Variants in RAB27A observed in about 807,000 individuals in gnomAD.
RAB27A encodes ras-related protein Rab-27A.
RAB27A carries 17 observed loss-of-function variants against 20.8 expected under a neutral mutation model. That is an observed-to-expected ratio of 0.82 (90% confidence interval 0.56 to 1.23). The LOEUF is 1.23. Among genes scored for constraint, RAB27A ranks in the 50% most tolerant of loss-of-function variants. RAB27A has a pLI of 0.00. For missense variants in RAB27A, 277 were observed against 266.7 expected, an observed-to-expected ratio of 1.04 and a Z score of -0.27; for synonymous variants, 85 against 92.8, an observed-to-expected ratio of 0.92 and a Z score of 0.48.
chr15:55,255,491 G>A (rs754280210), intron 2 of RAB27A, among the ~76,000 whole-genome samples: 20 of 152,260 alleles, frequency 1.3e-4, no homozygotes, highest in Non-Finnish European at 2.2e-4. Context: ...CAACTGGCCA[G>A]CTGTCACTCA....
At chr15:55,253,328 T>C (rs546136005) in intron 2 of RAB27A, among the ~76,000 whole-genome samples, 4 of 150,984 alleles carry the variant, frequency 2.6e-5, no homozygotes, top group Admixed American at 2.6e-4. Context: ...GTGCCTATAA[T>C]TCCAGCTACC....
chr15:55,318,182 C>T (rs997406679), intron 1 of RAB27A, among the ~76,000 whole-genome samples: 1 of 150,520 alleles, frequency 6.6e-6, no homozygotes, highest in African/African-American at 2.4e-5. Context: ...ACTGCAAGCT[C>T]CGCCTCCTCG....
chr15:55,212,060 G>A (rs568948310), intron 6 of RAB27A, among the ~76,000 whole-genome samples: 51 of 148,642 alleles, frequency 3.4e-4, no homozygotes, highest in Non-Finnish European at 6.8e-4. Context: ...GAAACTAGCT[G>A]ATATATATGA....
chr15:55,277,546 C>G (rs1897909143), intron 1 of RAB27A, among the ~76,000 whole-genome samples: 1 of 152,166 alleles, frequency 6.6e-6, no homozygotes, highest in African/African-American at 2.4e-5. Flanking sequence ...CCTTTGCTGT[C>G]AGGCAGCTAT....
At chr15:55,254,096 C>T (rs2141045507) in intron 2 of RAB27A, among the ~76,000 whole-genome samples, 1 of 152,248 alleles carries the variant, frequency 6.6e-6, no homozygotes, top group Middle Eastern at 3.4e-3. Context: ...AAATCAATCT[C>T]ATAATTCTAC....
intron 2 of RAB27A, among the ~76,000 whole-genome samples, chr15:55,253,917 T>A (rs1896988565): frequency 6.6e-6 from 1 of 152,188 alleles, no homozygotes; most frequent in South Asian, 2.1e-4. Context: ...GTTTATAACA[T>A]GGATAATTGA....
At chr15:55,318,787 C>T (rs1380259792) in intron 1 of RAB27A, 1 of 154,340 alleles carries the variant, frequency 6.5e-6, no homozygotes, top group Non-Finnish European at 1.4e-5. Flanking sequence ...GGCCTGTTTC[C>T]ACATCTGTAC....
intron 2 of RAB27A, among the ~76,000 whole-genome samples, chr15:55,241,251 G>A (rs475104): frequency 1.8e-4 from 27 of 152,234 alleles, no homozygotes; most frequent in African/African-American, 6.0e-4. Flanking sequence ...GAAAAGTGCT[G>A]TCTACCTCAA....
At chr15:55,300,203 G>A (rs1225461884) in intron 2 of RAB27A, among the ~76,000 whole-genome samples, 5 of 152,072 alleles carry the variant, frequency 3.3e-5, no homozygotes, top group African/African-American at 7.2e-5. Context: ...GAACAAAAGG[G>A]CAACCTGCGT....
At chr15:55,209,488 G>A (rs912083206) in intron 6 of RAB27A, among the ~76,000 whole-genome samples, 2 of 151,960 alleles carry the variant, frequency 1.3e-5, no homozygotes, top group Non-Finnish European at 2.9e-5. Flanking sequence ...TTTTATGGTG[G>A]AATAACATTC....
intron 4 of RAB27A, among the ~76,000 whole-genome samples, chr15:55,230,162 A>T (rs1309280455): frequency 6.6e-6 from 1 of 152,212 alleles, no homozygotes; most frequent in Non-Finnish European, 1.5e-5. Flanking sequence ...TAAGCAAAAA[A>T]AAATTAAAAG....
intron 6 of RAB27A, among the ~76,000 whole-genome samples, chr15:55,212,690 C>G (rs899833469): frequency 1.3e-5 from 2 of 152,074 alleles, no homozygotes; most frequent in Non-Finnish European, 2.9e-5. Context: ...CCACCACGCC[C>G]GTTTAATTTT....
At chr15:55,233,239 A>G (rs535846302) in intron 3 of RAB27A, among the ~76,000 whole-genome samples, 1 of 152,324 alleles carries the variant, frequency 6.6e-6, no homozygotes, top group East Asian at 1.9e-4. Context: ...GCACAAAAAT[A>G]TGGGAGAAAA....
At chr15:55,290,986 A>G (rs900746387), upstream of RAB27A, among the ~76,000 whole-genome samples, 3 of 152,206 alleles carry the variant, frequency 2.0e-5, no homozygotes, top group Admixed American at 6.5e-5. Context: ...AGCTACTCAC[A>G]GTTGGCATTA....
intron 2 of RAB27A, among the ~76,000 whole-genome samples, chr15:55,252,539 C>A (rs947540622): frequency 1.3e-5 from 2 of 152,026 alleles, no homozygotes; most frequent in African/African-American, 4.8e-5. Context: ...GAGGCGGAAG[C>A]TGCAGTGAGC....
At chr15:55,215,527 C>CT (rs1286710590) in intron 6 of RAB27A, among the ~76,000 whole-genome samples, 2 of 150,970 alleles carry the variant, frequency 1.3e-5, no homozygotes, top group Non-Finnish European at 2.9e-5. Flanking sequence ...TAGCGGGCGC[C>CT]TGTAGTCCCA....
intron 2 of RAB27A, among the ~76,000 whole-genome samples, chr15:55,253,836 G>C (rs1479911649): frequency 6.6e-6 from 1 of 151,930 alleles, no homozygotes; most frequent in Non-Finnish European, 1.5e-5. Flanking sequence ...ATCAGCAAGA[G>C]AACAACGCAA....
At chr15:55,275,112 C>A (rs1003846101) in intron 1 of RAB27A, among the ~76,000 whole-genome samples, 4 of 151,302 alleles carry the variant, frequency 2.6e-5, no homozygotes, top group Non-Finnish European at 5.9e-5. Flanking sequence ...TTAACTGGGG[C>A]ATGGTGGTGC....
chr15:55,233,643 G>A (rs1202003595), intron 3 of RAB27A, among the ~76,000 whole-genome samples: 1 of 152,092 alleles, frequency 6.6e-6, no homozygotes, highest in Non-Finnish European at 1.5e-5. Context: ...ATTCATGGTG[G>A]CTAAGGGGAG....
Sources: gnomAD v4.1 joint callset for allele counts (sites outside exome capture counted in the v4.1 genomes callset) on GRCh38, gnomAD v4.1.1 for gene constraint, MANE v1.5 for transcripts, NCBI Gene and HGNC (gene_info 2026-07-23, HGNC 2026-07-21) for gene names.